The following DCC variants were observed in gnomAD, a reference collection of about 807,000 sequenced individuals.
The protein encoded by DCC is netrin receptor DCC.
A neutral mutation model predicts 172.5 loss-of-function variants in DCC; 58 were observed. That is an observed-to-expected ratio of 0.34 (90% confidence interval 0.27 to 0.42). DCC has a LOEUF of 0.42. Ranked by LOEUF, DCC falls within the 10% of genes least tolerant of loss-of-function variation. The probability of loss-of-function intolerance (pLI) is 1.00; values close to 1 mark genes in which losing one functional copy is unlikely to be tolerated. For synonymous variants in DCC, 709 were observed against 644.5 expected (o/e 1.10, Z -1.52); for missense variants, 1,740 against 1,791.0 (o/e 0.97, Z 0.51).
chr18:52,347,765 T>C (rs1983941915), intron 1 of DCC, among the ~76,000 whole-genome samples: 1 of 152,186 alleles, frequency 6.6e-6, no homozygotes, highest in Non-Finnish European at 1.5e-5. Flanking sequence ...TGGATGTCAC[T>C]TGTACTTTGT....
rs74928966 is a variant in DCC, at chr18:52,754,603, A to G, written c.412+2229A>G. ...TGATCTCAGATTTCCAGCCTCCAGA[A>G]CTTTGAGAAATCAATGTCTGTTGTT... On this transcript the variant is annotated intron_variant, in intron 2 of 28. Coordinates refer to ENST00000442544, the MANE Select transcript of DCC (RefSeq NM_005215.4). Among the ~76,000 whole-genome samples, 390 of 152,290 alleles carry G rather than the reference A, an allele frequency of 2.6e-3. 1 individual carries two copies. The highest frequency in any genetic ancestry group is 8.6e-3 in the African/African-American group (358 of 41,572).
chr18:52,864,507 T>C (rs527900066), intron 2 of DCC, among the ~76,000 whole-genome samples: 2 of 152,318 alleles, frequency 1.3e-5, no homozygotes, highest in Admixed American at 1.3e-4. Context: ...GTTTCCATTT[T>C]CTTTTTTTAA....
chr18:53,171,287 C>A (rs2055009927), intron 8 of DCC, among the ~76,000 whole-genome samples: 1 of 152,168 alleles, frequency 6.6e-6, no homozygotes, highest in African/African-American at 2.4e-5. Context: ...TTTAAAACCA[C>A]TACGAGCCCA....
At chr18:52,944,517 G>T (rs891168259) in intron 5 of DCC, among the ~76,000 whole-genome samples, 2 of 152,168 alleles carry the variant, frequency 1.3e-5, no homozygotes, top group African/African-American at 2.4e-5. Context: ...ACAAGCAAAA[G>T]CATATAGAAA....
At chr18:53,111,812 T>C (rs894257477) in intron 7 of DCC, among the ~76,000 whole-genome samples, 19 of 151,664 alleles carry the variant, frequency 1.3e-4, no homozygotes, top group Non-Finnish European at 2.5e-4. Flanking sequence ...TGAAAAGAAA[T>C]GAGAACTTGG....
chr18:52,759,608 A>G (rs1196219746), intron 2 of DCC, among the ~76,000 whole-genome samples: 2 of 152,220 alleles, frequency 1.3e-5, no homozygotes, highest in African/African-American at 4.8e-5. Flanking sequence ...CAACTCAGTA[A>G]TAGTAACCAA....
chr18:52,693,364 T>A (rs2035961192), intron 1 of DCC, among the ~76,000 whole-genome samples: 1 of 147,904 alleles, frequency 6.8e-6, no homozygotes, highest in Non-Finnish European at 1.5e-5. Flanking sequence ...AGGTAGAATA[T>A]ATAACTATAT....
intron 8 of DCC, among the ~76,000 whole-genome samples, chr18:53,178,014 G>T (rs773070500): frequency 6.6e-5 from 10 of 152,064 alleles, no homozygotes; most frequent in Non-Finnish European, 1.3e-4. Flanking sequence ...TAAAGTGTAC[G>T]TATAATTCCA....
intron 12 of DCC, among the ~76,000 whole-genome samples, chr18:53,218,660 T>C (rs2081034026): frequency 6.6e-6 from 1 of 152,086 alleles, no homozygotes; most frequent in South Asian, 2.1e-4. Context: ...CATAGTGAGG[T>C]GGTTATTTCT....
chr18:52,840,957 C>A (rs970190309), intron 2 of DCC, among the ~76,000 whole-genome samples: 2 of 57,056 alleles, frequency 3.5e-5, no homozygotes, highest in Non-Finnish European at 5.6e-5. Flanking sequence ...AGGTTAGATG[C>A]TATGATGAAA....
At chr18:53,127,902 A>G in intron 7 of DCC, among the ~76,000 whole-genome samples, 1 of 152,132 alleles carries the variant, frequency 6.6e-6, no homozygotes, top group Non-Finnish European at 1.5e-5. Flanking sequence ...TTGTTTCTAT[A>G]TGTTTCTTCT....
intron 12 of DCC, among the ~76,000 whole-genome samples, chr18:53,267,696 G>A (rs143267941): frequency 2.0e-5 from 3 of 151,864 alleles, no homozygotes; most frequent in African/African-American, 7.2e-5. Flanking sequence ...GAACTTCTGG[G>A]CTCAAGCAAT....
At chr18:53,217,952 C>G (rs946548149) in intron 12 of DCC, among the ~76,000 whole-genome samples, 1 of 152,034 alleles carries the variant, frequency 6.6e-6, no homozygotes, top group Non-Finnish European at 1.5e-5. Context: ...TCAAGTGATC[C>G]TCTTGACTCA....
At chr18:52,491,534 A>G (rs550383918) in intron 1 of DCC, among the ~76,000 whole-genome samples, 4 of 152,212 alleles carry the variant, frequency 2.6e-5, no homozygotes, top group East Asian at 3.9e-4. Flanking sequence ...TTTAAAAAAT[A>G]GATTTCTCCA....
At chr18:52,568,866 T>G (rs554965776) in intron 1 of DCC, among the ~76,000 whole-genome samples, 38 of 152,316 alleles carry the variant, frequency 2.5e-4, no homozygotes, top group South Asian at 6.2e-4. Context: ...GTGCTTAAAA[T>G]TATTCCAATT....
intron 5 of DCC, among the ~76,000 whole-genome samples, chr18:53,021,924 T>C (rs993954510): frequency 3.3e-5 from 5 of 152,238 alleles, no homozygotes; most frequent in African/African-American, 1.2e-4. Flanking sequence ...CACCTACAAA[T>C]AACTACATCA....
chr18:52,698,863 C>T (rs552917980), intron 1 of DCC, among the ~76,000 whole-genome samples: 1 of 150,432 alleles, frequency 6.6e-6, no homozygotes, highest in Admixed American at 6.7e-5. Flanking sequence ...CCCACCTTGG[C>T]CTCCCAAAGT....
intron 5 of DCC, among the ~76,000 whole-genome samples, chr18:53,029,857 G>A (rs189325691): frequency 2.0e-5 from 3 of 152,134 alleles, no homozygotes; most frequent in Non-Finnish European, 4.4e-5. Flanking sequence ...AGCTTGCCTG[G>A]TCTCTTAAAG....
chr18:53,533,956 T>C lies in DCC; in HGVS notation c.*3303T>C, dbSNP rs1368553345. On this transcript the variant is annotated 3_prime_UTR_variant, in exon 29 of 29. Coordinates refer to ENST00000442544, the MANE Select transcript of DCC (RefSeq NM_005215.4). ...GATGTTTCAGACAACATTCTGAAAC[T>C]AAAATGTTTGGCACTTATTGGCTTT... 1.3e-5 allele frequency: 2 copies of C among 152,220 alleles called. No homozygotes were observed. The highest frequency in any genetic ancestry group is 2.9e-5 in the Non-Finnish European group (2 of 68,042). The allele number at this position is 152,220 out of a possible 1,614,324, so 9.4% of individuals were successfully genotyped here. A position where few individuals can be genotyped will look rare whatever the true frequency, so the allele number is the denominator to read the frequency against.
Sources: allele counts gnomAD v4.1 joint callset (sites outside exome capture counted in the v4.1 genomes callset), GRCh38; gene constraint gnomAD v4.1.1; transcripts MANE v1.5; gene names NCBI Gene and HGNC (gene_info 2026-07-23, HGNC 2026-07-21).